DNAAF9: variants seen among roughly 807,000 people sequenced by gnomAD.
DNAAF9 encodes the protein dynein axonemal assembly factor 9.
Under a neutral mutation model 167.0 loss-of-function variants are expected in DNAAF9, and 90 were observed. The observed-to-expected ratio is 0.54, with a 90% CI of 0.45 to 0.64. The LOEUF (loss-of-function observed/expected upper bound fraction) is 0.64, where lower values mean the gene tolerates loss of function less well. Ranked by LOEUF, DNAAF9 falls within the 30% of genes least tolerant of loss-of-function variation. The probability of loss-of-function intolerance (pLI) is 0.00; values close to 1 mark genes in which losing one functional copy is unlikely to be tolerated. For missense variants in DNAAF9, 1,315 were observed against 1,442.2 expected (o/e 0.91, Z 1.43); for synonymous variants, 491 against 508.8 (o/e 0.96, Z 0.47).
Position 3,252,045 on chromosome 20 carries a change from G to A in DNAAF9, c.*527C>T, listed in dbSNP as rs2068201830. 6.4e-6 allele frequency: 1 copy of A among 155,668 alleles called. No individual in the cohort carries two copies. The highest frequency in any genetic ancestry group is 1.4e-5 in the Non-Finnish European group (1 of 70,458). 9.6% of individuals were successfully genotyped at this position (155,668 alleles called of 1,614,324 possible). On this transcript the variant is annotated 3_prime_UTR_variant, in exon 37 of 37. Coordinates refer to ENST00000252032, the MANE Select transcript of DNAAF9 (RefSeq NM_001009984.3). ...GGCAAGGCTGTGCTGCTCCTCCCAGGACTGGGCCCACGGCCAGTACGGCCA... is the reference window on the plus strand; with the variant it reads ...GGCAAGGCTGTGCTGCTCCTCCCAGAACTGGGCCCACGGCCAGTACGGCCA...
chr20:3,309,916 T>A (rs2069370369), intron 20 of DNAAF9, among the ~76,000 whole-genome samples: 1 of 152,054 alleles, frequency 6.6e-6, no homozygotes, highest in Admixed American at 6.6e-5. Flanking sequence ...AATTCCTGGC[T>A]GGGCGCAGTG....
chr20:3,270,224 C>T (rs1039239952), intron 30 of DNAAF9, among the ~76,000 whole-genome samples: 1 of 151,240 alleles, frequency 6.6e-6, no homozygotes, highest in Non-Finnish European at 1.5e-5. Context: ...CTCACTGCAG[C>T]CTCCAATTCC....
chr20:3,299,098 G>C (rs1285035892), intron 21 of DNAAF9, among the ~76,000 whole-genome samples: 4 of 151,266 alleles, frequency 2.6e-5, no homozygotes, highest in Non-Finnish European at 5.9e-5. Context: ...CAGTAGAGAC[G>C]GGGTTTCACT....
In DNAAF9 at chr20:3,256,159, G is replaced by A; in HGVS notation, c.3108C>T (p.Ser1036=). 6.2e-7 allele frequency: 1 copy of A among 1,614,218 alleles called. No individual in the cohort carries two copies. The highest frequency in any genetic ancestry group is 8.5e-7 in the Non-Finnish European group (1 of 1,180,030). ...VCYNTLANSL[S]IMPVLEGPTP... ...TGGGTCCTTCCAAAACTGGCATGAT[G>A]CTCAAGGAGTTGGCCAGTGTGTTGT... Residue 1036 remains serine, a synonymous_variant, in exon 34 of 37, where the codon AGC becomes AGT. Transcript: ENST00000252032.
rs1354025955 is a variant in DNAAF9 at position 3,287,719 on chromosome 20, G to A, written c.2399C>T (p.Ser800Phe). 3.7e-6 allele frequency: 6 copies of A among 1,614,088 alleles called. No homozygotes were observed. The highest frequency in any genetic ancestry group is 5.1e-6 in the Non-Finnish European group (6 of 1,180,012). The change falls in exon 27 of 37, where the codon TCC (serine) becomes TTC (phenylalanine). Residue 800 changes from serine to phenylalanine, a missense_variant. Ser to Phe is a radical substitution (Grantham distance 155). Coordinates refer to ENST00000252032, the MANE Select transcript of DNAAF9 (RefSeq NM_001009984.3). Reference protein sequence around the residue: ...FHAAHFQRYLSSALEAQQNRS... With the variant: ...FHAAHFQRYLFSALEAQQNRS... The stretch of plus-strand genomic sequence containing the variant: ...GTTCTGCTGGGCCTCTAGGGCACTG[G>A]AAAGGTATCTCTGGAAGTGTGCAGC...
rs748199843 is a variant in DNAAF9, at chr20:3,318,351, C to G, written c.1406G>C (p.Cys469Ser). 146 of 1,605,240 alleles carry G rather than the reference C, an allele frequency of 9.1e-5. No homozygotes were observed. Among genetic ancestry groups the G allele is most frequent in the Non-Finnish European group, 1.2e-4 (139 of 1,173,236 alleles). Residue 469 changes from cysteine to serine, a missense_variant, in exon 17 of 37, where the codon TGT (cysteine) becomes TCT (serine). Cys to Ser is a moderately radical substitution (Grantham distance 112). Around this residue, in one of 2 missense-constraint regions of DNAAF9, gnomAD observed 981 missense variants for 1,012.5 expected, o/e 0.97. Transcript: ENST00000252032. ...TTCAGAGAAAACCACAGATCCTAAA[C>G]AACCATTGCCTCCCAGTAAGTCAGG... is the stretch of plus-strand genomic sequence containing the variant. ...DIPDLLGGNG[C>S]LGSVVFSESF... is the part of the protein sequence containing the mutation.
chr20:3,329,650 C>T (rs1398945165), intron 12 of DNAAF9, among the ~76,000 whole-genome samples: 1 of 152,144 alleles, frequency 6.6e-6, no homozygotes, highest in Non-Finnish European at 1.5e-5. Context: ...GCCTGGAGAA[C>T]CTATATTTTA....
chr20:3,268,195 A>G (rs1320172595), intron 30 of DNAAF9, among the ~76,000 whole-genome samples: 2 of 151,308 alleles, frequency 1.3e-5, no homozygotes, highest in Non-Finnish European at 1.5e-5. Flanking sequence ...CGCCTGGCCA[A>G]TTTTTTGTAT....
At chr20:3,350,446 A>G (rs184318738) in intron 7 of DNAAF9, among the ~76,000 whole-genome samples, 26 of 152,284 alleles carry the variant, frequency 1.7e-4, no homozygotes, top group Admixed American at 1.3e-3. Flanking sequence ...CTATCTATCT[A>G]TATATACATA....
At chr20:3,405,100 T>C (rs1194946560) in intron 1 of DNAAF9, among the ~76,000 whole-genome samples, 18 of 152,212 alleles carry the variant, frequency 1.2e-4, no homozygotes, top group Non-Finnish European at 2.9e-5. Flanking sequence ...AAGCAACTCT[T>C]AAGGCCATAC....
chr20:3,406,941 T>C (rs985492837), intron 1 of DNAAF9, among the ~76,000 whole-genome samples: 2 of 151,568 alleles, frequency 1.3e-5, no homozygotes, highest in Admixed American at 1.3e-4. Flanking sequence ...AGGAAGCCGT[T>C]GTCAAGGGCA....
intron 35 of DNAAF9, among the ~76,000 whole-genome samples, chr20:3,254,037 C>T (rs1402775988): frequency 1.3e-5 from 2 of 152,118 alleles, no homozygotes; most frequent in African/African-American, 4.8e-5. Flanking sequence ...ATGAAGTTCC[C>T]ACGGTGTGCA....
chr20:3,314,104 G>A (rs943834177), intron 20 of DNAAF9, among the ~76,000 whole-genome samples: 3 of 152,096 alleles, frequency 2.0e-5, no homozygotes, highest in Non-Finnish European at 2.9e-5. Flanking sequence ...CTTTAGTTTC[G>A]TAGGTCCACA....
chr20:3,340,453 C>CCCCCCA, intron 10 of DNAAF9, 51 bp downstream of exon 10: 2 of 1,001,258 alleles, frequency 2.0e-6, no homozygotes, highest in South Asian at 2.4e-5. Context: ...CACCCCACCC[C>CCCCCCA]CACAACTTGA....
chr20:3,304,944 C>T lies in DNAAF9; in HGVS notation c.1679-401G>A, dbSNP rs568021656. On this transcript the variant is annotated intron_variant, in intron 20 of 36. Transcript: ENST00000252032. ...GGCTCGGCCCTAAAGAGACCACATC[C>T]CTCACTTAGGGCCCGAGAAGGAGCA... Among the ~76,000 whole-genome samples, 3 of 152,332 alleles carry T rather than the reference C, an allele frequency of 2.0e-5. No individual in the cohort carries two copies. In the South Asian group the frequency reaches 6.2e-4, roughly 32 times the overall value.
chr20:3,346,348 C>T (rs369985233), intron 8 of DNAAF9, among the ~76,000 whole-genome samples: 18 of 152,228 alleles, frequency 1.2e-4, no homozygotes, highest in African/African-American at 3.9e-4. Flanking sequence ...CATACATAAG[C>T]GCTGAGTTAT....
At chr20:3,322,089 C>A (rs901136104) in intron 16 of DNAAF9, 128 bp downstream of exon 16, 1 of 689,586 alleles carries the variant, frequency 1.5e-6, no homozygotes, top group Non-Finnish European at 2.6e-6. Context: ...TGGGATAGGA[C>A]TGAGAGAAGA....
At position 3,374,028 on chromosome 20, in the gene DNAAF9, A is replaced by G; in HGVS notation, c.612+20T>C. On this transcript the variant is annotated intron_variant, in intron 6 of 36. Coordinates refer to ENST00000252032, the MANE Select transcript of DNAAF9 (RefSeq NM_001009984.3). ...GCCCAGTGGCAGACAAAAACTAGGCATACTGCTTTTCATACATACCTCATA... is the reference window on the plus strand; with the variant it reads ...GCCCAGTGGCAGACAAAAACTAGGCGTACTGCTTTTCATACATACCTCATA... The G allele has an allele frequency of 2.0e-6, 3 of 1,486,018 alleles. No individual in the cohort carries two copies. The South Asian group carries it at 3.4e-5, about 17-fold the overall frequency. 92.1% of individuals were successfully genotyped at this position (1,486,018 alleles called of 1,614,324 possible).
At chr20:3,270,657 G>T in intron 29 of DNAAF9, 95 bp from the exon 30 acceptor site, 2 of 1,041,746 alleles carry the variant, frequency 1.9e-6, no homozygotes, top group Non-Finnish European at 1.5e-6. Context: ...CCCTAATCAT[G>T]CCTTCCAGTA....
Sources: allele counts gnomAD v4.1 joint callset (sites outside exome capture counted in the v4.1 genomes callset), GRCh38; gene constraint gnomAD v4.1.1; regional missense constraint gnomAD v4.1.1; transcripts MANE v1.5; gene names NCBI Gene and HGNC (gene_info 2026-07-23, HGNC 2026-07-21).